Variants in NIPSNAP3B observed in about 807,000 individuals in gnomAD.
The protein encoded by NIPSNAP3B is nipsnap homolog 3B.
NIPSNAP3B carries 30 observed loss-of-function variants against 31.5 expected under a neutral mutation model. That is an observed-to-expected ratio of 0.95 (90% CI 0.71 to 1.29). NIPSNAP3B has a LOEUF of 1.29. Ranked by LOEUF, NIPSNAP3B falls within the 50% of genes most tolerant of loss-of-function variation. The pLI is 0.00. For synonymous variants in NIPSNAP3B, 106 were observed against 107.9 expected (o/e 0.98, Z 0.11); for missense variants, 269 against 300.7 (o/e 0.89, Z 0.78).
Position 104,776,692 on chromosome 9 carries a change from C to T in NIPSNAP3B, c.*3619C>T, listed in dbSNP as rs764063881. On this transcript the variant is annotated 3_prime_UTR_variant, in exon 6 of 6. Coordinates refer to ENST00000374762, the MANE Select transcript of NIPSNAP3B (RefSeq NM_018376.4). ...TGAACTAAGACACTATCCCTCTCCC[C>T]TGCTTTCTTTTTCTGTTATCACCAT... 3.3e-5 allele frequency among the ~76,000 whole-genome samples: 5 copies of T among 152,180 alleles called. No homozygotes were observed. Among genetic ancestry groups the T allele is most frequent in the Admixed American group, 1.3e-4 (2 of 15,280 alleles).
the NIPSNAP3B span, chr9:104,787,731 TGCAG>T: frequency 1.6e-6 from 1 of 640,356 alleles, no homozygotes; most frequent in Non-Finnish European, 1.9e-6. Context: ...TGGGAGCATC[TGCAG>T]GCATGGTACA....
chr9:104,786,734 A>C, the NIPSNAP3B span: 1 of 825,126 alleles, frequency 1.2e-6, no homozygotes, highest in South Asian at 1.5e-5. Context: ...TTTTTGTAAG[A>C]ATATGCATAT....
chr9:104,780,223 C>T (rs1318929200), downstream of NIPSNAP3B, among the ~76,000 whole-genome samples: 3 of 152,200 alleles, frequency 2.0e-5, no homozygotes, highest in South Asian at 2.1e-4. Context: ...GATGCTGATG[C>T]TCAGGGGGCA....
intron 3 of NIPSNAP3B, among the ~76,000 whole-genome samples, chr9:104,769,371 G>A (rs938486223): frequency 2.8e-5 from 4 of 144,932 alleles, no homozygotes; most frequent in South Asian, 2.2e-4. Context: ...GGGGAATGGC[G>A]TGAACCCAGA....
At chr9:104,764,433 C>T in intron 1 of NIPSNAP3B, 133 bp downstream of exon 1, 4 of 724,558 alleles carry the variant, frequency 5.5e-6, no homozygotes, top group Non-Finnish European at 6.4e-6. Context: ...AGTTCTAACG[C>T]GGTCTCTGGA....
At chr9:104,787,432 G>A in the NIPSNAP3B span, among the ~76,000 whole-genome samples, 7 of 151,858 alleles carry the variant, frequency 4.6e-5, no homozygotes, top group Non-Finnish European at 1.0e-4. Context: ...CCAGACCGAG[G>A]TGGAATACAT....
At chr9:104,785,639 C>T in the NIPSNAP3B span, 2 of 1,613,912 alleles carry the variant, frequency 1.2e-6, no homozygotes. Context: ...CATCTCCAAA[C>T]CTGAAAGCAG....
chr9:104,765,011 A>G (rs1448473883), intron 1 of NIPSNAP3B, among the ~76,000 whole-genome samples: 2 of 152,172 alleles, frequency 1.3e-5, no homozygotes, highest in Non-Finnish European at 1.5e-5. Context: ...AGATAATAAT[A>G]TTTTTAAACT....
chr9:104,788,410 C>T, the NIPSNAP3B span: 1 of 1,614,090 alleles, frequency 6.2e-7, no homozygotes, highest in Non-Finnish European at 8.5e-7. Context: ...GGCTGGCTTT[C>T]AGGTGCCCAC....
At chr9:104,765,479 G>C (rs1828069031) in intron 1 of NIPSNAP3B, among the ~76,000 whole-genome samples, 1 of 152,200 alleles carries the variant, frequency 6.6e-6, no homozygotes. Flanking sequence ...ATTTGCTACT[G>C]AACATTAAGC....
the NIPSNAP3B span, among the ~76,000 whole-genome samples, chr9:104,789,321 T>C: frequency 6.6e-6 from 1 of 152,216 alleles, no homozygotes; most frequent in Non-Finnish European, 1.5e-5. Context: ...TTACTGCCAC[T>C]GCTATATGCG....
Position 104,776,910 on chromosome 9 carries a change from C to T in NIPSNAP3B, c.*3837C>T, listed in dbSNP as rs893708243. On this transcript the variant is annotated 3_prime_UTR_variant, in exon 6 of 6. Coordinates refer to ENST00000374762, the MANE Select transcript of NIPSNAP3B (RefSeq NM_018376.4). ...GTCTGAAAAAAGAAGTACATCATTC[C>T]TTCACATGTCATTTTGAGCCACTGT... 1.3e-5 allele frequency among the ~76,000 whole-genome samples: 2 copies of T among 152,150 alleles called. No individual in the cohort carries two copies. Among genetic ancestry groups the T allele is most frequent in the Non-Finnish European group, 2.9e-5 (2 of 68,042 alleles).
rs1828278147 is a variant in NIPSNAP3B, at chr9:104,773,803, G to T, written c.*730G>T. On this transcript the variant is annotated 3_prime_UTR_variant, in exon 6 of 6. Coordinates refer to ENST00000374762, the MANE Select transcript of NIPSNAP3B (RefSeq NM_018376.4). ...TATTTGTTTTAAAGAAATATTTATGGTTATGGAAACGCTTGCCCTAATAAA... is the reference window on the plus strand; with the variant it reads ...TATTTGTTTTAAAGAAATATTTATGTTTATGGAAACGCTTGCCCTAATAAA... 6.6e-6 allele frequency: 1 copy of T among 152,064 alleles called. No individual in the cohort carries two copies. The highest frequency in any genetic ancestry group is 1.5e-5 in the Non-Finnish European group (1 of 67,996). 9.4% of individuals were successfully genotyped at this position (152,064 alleles called of 1,614,324 possible). A position where few individuals can be genotyped will look rare whatever the true frequency, so the allele number is the denominator to read the frequency against.
chr9:104,789,454 G>C, the NIPSNAP3B span, among the ~76,000 whole-genome samples: 4 of 152,208 alleles, frequency 2.6e-5, no homozygotes, highest in African/African-American at 9.6e-5. Context: ...GTAAGAGACA[G>C]GAGAGGAGAT....
chr9:104,775,876 C>G lies in NIPSNAP3B; in HGVS notation c.*2803C>G, dbSNP rs1402087622. ...GTACCTGTCAGCAGGTCCCAAATAT[C>G]TAGAATTTGATTGCTTCACATCCCT... On this transcript the variant is annotated 3_prime_UTR_variant, in exon 6 of 6. Transcript: ENST00000374762. 8.5e-5 allele frequency among the ~76,000 whole-genome samples: 13 copies of G among 152,212 alleles called. No homozygotes were observed. The highest frequency in any genetic ancestry group is 8.3e-4 in the South Asian group (4 of 4,830).
intron 3 of NIPSNAP3B, 73 bp downstream of exon 3, chr9:104,769,094 G>A: frequency 1.9e-6 from 2 of 1,078,378 alleles, no homozygotes; most frequent in Non-Finnish European, 2.6e-6. Flanking sequence ...AAAGAGTAAA[G>A]TTCTATAGGA....
rs371812885 is a variant in NIPSNAP3B at position 104,769,030 on chromosome 9, T to A, written c.430+9T>A. ...AAAGCCTCCAAAAGAAGGTGAGTTC[T>A]TCCCTCTTAGACTATGAGTTTTAAT... On this transcript the variant is annotated intron_variant, in intron 3 of 5. Transcript: ENST00000374762. 3.7e-5 allele frequency: 59 copies of A among 1,610,458 alleles called. No homozygotes were observed. The highest frequency in any genetic ancestry group is 4.8e-5 in the Non-Finnish European group (57 of 1,178,218).
rs745577807 is a variant in NIPSNAP3B, at chr9:104,764,272, C to A, written c.32C>A (p.Ala11Glu). The part of the protein sequence containing the change: MLVLRSGLTK[A>E]LASRTLAPQV... ...GTTCTCAGAAGCGGCCTGACCAAGG[C>A]GCTTGCCTCACGGACGCTCGCGCCT... The change falls in exon 1 of 6, where the codon GCG (alanine) becomes GAG (glutamate). Residue 11 changes from alanine (A) to glutamate (E), a missense_variant. Ala to Glu is a moderately radical substitution (Grantham distance 107). Transcript: ENST00000374762. 7 of 1,597,958 alleles carry A rather than the reference C, an allele frequency of 4.4e-6. No individual in the cohort carries two copies. Among genetic ancestry groups the A allele is most frequent in the Admixed American group, 1.7e-5 (1 of 57,936 alleles).
chr9:104,786,193 C>T, the NIPSNAP3B span: 2 of 965,786 alleles, frequency 2.1e-6, no homozygotes, highest in Non-Finnish European at 3.3e-6. Context: ...CTGTTTTGCT[C>T]AGTTTTATTT....
Sources: gnomAD v4.1 joint callset for allele counts (sites outside exome capture counted in the v4.1 genomes callset) on GRCh38, gnomAD v4.1.1 for gene constraint, MANE v1.5 for transcripts, NCBI Gene and HGNC (gene_info 2026-07-23, HGNC 2026-07-21) for gene names.